Variants in FANCC observed in about 807,000 individuals in gnomAD.
FANCC encodes Fanconi anemia group C protein.
FANCC carries 55 observed loss-of-function variants against 71.3 expected under a neutral mutation model. That is an observed-to-expected ratio of 0.77 (90% CI 0.62 to 0.97). The LOEUF (loss-of-function observed/expected upper bound fraction) is 0.97, where lower values mean the gene tolerates loss of function less well. Among genes scored for constraint, FANCC ranks in the 50% least tolerant of loss-of-function variants. The pLI is 0.00. For missense variants in FANCC, 678 were observed against 670.9 expected (o/e 1.01, Z -0.12); for synonymous variants, 275 against 244.9 (o/e 1.12, Z -1.15).
chr9:95,152,054 G>A lies in FANCC; in HGVS notation c.522-1967C>T, dbSNP rs536022698. Among the ~76,000 whole-genome samples the A allele has an allele frequency of 1.4e-4, 22 of 151,808 alleles. No individual in the cohort carries two copies. The South Asian group carries it at 4.0e-3, about 27-fold the overall frequency. On this transcript the variant is annotated intron_variant, in intron 6 of 14. Transcript: ENST00000289081. ...TGTTTCTATTTCTTGCAAATTTAAC[G>A]GACAAAAATTGCTATTTCTTTGCCT...
intron 8 of FANCC, among the ~76,000 whole-genome samples, chr9:95,133,998 ATC>A (rs1337374335): frequency 6.6e-6 from 1 of 152,184 alleles, no homozygotes; most frequent in Non-Finnish European, 1.5e-5. Context: ...TCCTTAAGAA[ATC>A]TGTTTGGGCT....
intron 1 of FANCC, among the ~76,000 whole-genome samples, chr9:95,279,492 T>A: frequency 1.4e-5 from 2 of 143,392 alleles, no homozygotes; most frequent in South Asian, 4.5e-4. Flanking sequence ...GGCAAGAGAG[T>A]GAGACCCTGT....
At chr9:95,117,624 T>C (rs2134700616) in intron 10 of FANCC, among the ~76,000 whole-genome samples, 1 of 151,182 alleles carries the variant, frequency 6.6e-6, no homozygotes, top group South Asian at 2.1e-4. Flanking sequence ...GCTCTTGATG[T>C]CTTTATGAGT....
intron 1 of FANCC, among the ~76,000 whole-genome samples, chr9:95,303,591 G>A (rs940635048): frequency 6.6e-6 from 1 of 152,210 alleles, no homozygotes. Context: ...AGGTCCTGTT[G>A]AGAGCCCTCT....
intron 1 of FANCC, among the ~76,000 whole-genome samples, chr9:95,280,845 CAG>C (rs1833344285): frequency 6.6e-6 from 1 of 152,088 alleles, no homozygotes; most frequent in Admixed American, 6.5e-5. Context: ...AGAAATTTAA[CAG>C]AGAGATTGAA....
chr9:95,207,187 A>T (rs1482673208), intron 4 of FANCC, among the ~76,000 whole-genome samples: 1 of 152,150 alleles, frequency 6.6e-6, no homozygotes, highest in Non-Finnish European at 1.5e-5. Flanking sequence ...CTGCCTTGGG[A>T]GGGGCAAGTG....
At chr9:95,110,782 T>A (rs1339621083) in intron 13 of FANCC, 22 of 1,106,900 alleles carry the variant, frequency 2.0e-5, no homozygotes, top group Non-Finnish European at 2.4e-5. Context: ...AGCAAATCAA[T>A]GCTTGCAAGG....
intron 4 of FANCC, among the ~76,000 whole-genome samples, chr9:95,227,883 A>G (rs749392325): frequency 4.6e-5 from 7 of 152,140 alleles, no homozygotes; most frequent in Non-Finnish European, 7.4e-5. Context: ...CAGGTCTCCT[A>G]GTACCATACA....
At chr9:95,292,322 C>T in intron 1 of FANCC, 1 of 674,536 alleles carries the variant, frequency 1.5e-6, no homozygotes, top group Non-Finnish European at 1.8e-6. Context: ...CTGGGCCTGG[C>T]CGCCCTGCGG....
At chr9:95,277,937 C>T (rs1833142941) in intron 1 of FANCC, among the ~76,000 whole-genome samples, 1 of 152,128 alleles carries the variant, frequency 6.6e-6, no homozygotes, top group African/African-American at 2.4e-5. Context: ...TTTGAATCCA[C>T]ACAATAAAAG....
intron 1 of FANCC, among the ~76,000 whole-genome samples, chr9:95,314,948 CAAACTGATACTAAAATTTATATGGA>C (rs1211074117): frequency 5.9e-5 from 9 of 151,954 alleles, no homozygotes; most frequent in Admixed American, 2.6e-4. Context: ...AAAAAAATAA[CAAACTGATACTAAAATTTATATGGA>C]AATGTAAGGA....
chr9:95,170,469 C>T (rs1209544629), intron 6 of FANCC, among the ~76,000 whole-genome samples: 1 of 151,418 alleles, frequency 6.6e-6, no homozygotes, highest in East Asian at 1.9e-4. Flanking sequence ...AAATGAAATG[C>T]CCACCAATGA....
chr9:95,205,298 T>C (rs1828054044), intron 4 of FANCC, among the ~76,000 whole-genome samples: 1 of 152,148 alleles, frequency 6.6e-6, no homozygotes, highest in African/African-American at 2.4e-5. Flanking sequence ...GATATATACA[T>C]TTAAAGTATT....
At chr9:95,276,659 AAG>A (rs780687882) in intron 1 of FANCC, among the ~76,000 whole-genome samples, 158 of 152,384 alleles carry the variant, frequency 1.0e-3, no homozygotes, top group Non-Finnish European at 1.8e-3. Context: ...AAATCAAAGA[AAG>A]AGTATGAGTA....
intron 1 of FANCC, chr9:95,292,669 A>G (rs1834116176): frequency 1.5e-6 from 2 of 1,344,332 alleles, no homozygotes; most frequent in Non-Finnish European, 2.1e-6. Flanking sequence ...CACCGCATGC[A>G]GTATAGCACA....
intron 4 of FANCC, among the ~76,000 whole-genome samples, chr9:95,198,806 C>T (rs994742255): frequency 3.3e-5 from 5 of 152,158 alleles, no homozygotes; most frequent in Non-Finnish European, 5.9e-5. Context: ...GGCGCCATTA[C>T]AGCTTATTAC....
At chr9:95,213,987 T>C (rs1421908040) in intron 4 of FANCC, among the ~76,000 whole-genome samples, 3 of 152,132 alleles carry the variant, frequency 2.0e-5, no homozygotes, top group Non-Finnish European at 4.4e-5. Context: ...ACAGATGGAC[T>C]GAACAGGCAT....
At chr9:95,262,355 A>G (rs1320925717) in intron 1 of FANCC, among the ~76,000 whole-genome samples, 1 of 152,218 alleles carries the variant, frequency 6.6e-6, no homozygotes, top group Non-Finnish European at 1.5e-5. Context: ...CTGAAGAAAG[A>G]TAACAAAGAG....
chr9:95,107,844 G>T (rs1404788414), intron 13 of FANCC, among the ~76,000 whole-genome samples: 1 of 152,144 alleles, frequency 6.6e-6, no homozygotes, highest in African/African-American at 2.4e-5. Flanking sequence ...GTTCATACGT[G>T]TTTAATGCTC....
Sources: gnomAD v4.1 joint callset for allele counts (sites outside exome capture counted in the v4.1 genomes callset) on GRCh38, gnomAD v4.1.1 for gene constraint, MANE v1.5 for transcripts, NCBI Gene and HGNC (gene_info 2026-07-23, HGNC 2026-07-21) for gene names.